PIP5K1B: variants seen among roughly 807,000 people sequenced by gnomAD.
The protein encoded by PIP5K1B is phosphatidylinositol 4-phosphate 5-kinase type-1 beta.
PIP5K1B carries 42 observed loss-of-function variants against 67.0 expected under a neutral mutation model. The ratio of observed to expected loss-of-function variants is 0.63; its 90% CI spans 0.49 to 0.81. PIP5K1B has a LOEUF of 0.81. Among genes scored for constraint, PIP5K1B ranks in the 30% least tolerant of loss-of-function variants. The pLI is 0.00. For synonymous variants in PIP5K1B, 214 were observed against 231.4 expected (o/e 0.92, Z 0.68); for missense variants, 459 against 646.3 (o/e 0.71, Z 3.14).
intron 8 of PIP5K1B, among the ~76,000 whole-genome samples, chr9:68,899,468 A>AG (rs1277790231): frequency 6.6e-6 from 1 of 151,956 alleles, no homozygotes; most frequent in Admixed American, 6.6e-5. Flanking sequence ...ATGATTTAAA[A>AG]AAAGAGAAAG....
chr9:68,893,871 T>C (rs1824945223), intron 7 of PIP5K1B, among the ~76,000 whole-genome samples: 1 of 152,244 alleles, frequency 6.6e-6, no homozygotes, highest in Non-Finnish European at 1.5e-5. Context: ...ATTTTAAAGT[T>C]TGGGTACTAT....
intron 2 of PIP5K1B, among the ~76,000 whole-genome samples, chr9:68,763,667 G>A (rs908087672): frequency 6.6e-6 from 1 of 152,116 alleles, no homozygotes; most frequent in Non-Finnish European, 1.5e-5. Context: ...TAGCAAGGCT[G>A]ATTAGACCCC....
intron 12 of PIP5K1B, among the ~76,000 whole-genome samples, chr9:68,929,138 C>G (rs2132575693): frequency 6.9e-6 from 1 of 144,902 alleles, no homozygotes; most frequent in African/African-American, 2.6e-5. Context: ...ACACTCCAGC[C>G]TGGGTGACAG....
chr9:68,886,273 C>G (rs1824467375), intron 6 of PIP5K1B, among the ~76,000 whole-genome samples: 2 of 152,164 alleles, frequency 1.3e-5, no homozygotes, highest in Admixed American at 1.3e-4. Context: ...GCCTCCTTAT[C>G]TTTTTCTCTG....
At chr9:68,841,159 C>A (rs1172497327) in intron 4 of PIP5K1B, among the ~76,000 whole-genome samples, 1 of 152,192 alleles carries the variant, frequency 6.6e-6, no homozygotes, top group East Asian at 1.9e-4. Context: ...AATCAACTTA[C>A]ATAAATAAGA....
chr9:68,986,048 A>G (rs959287991), intron 14 of PIP5K1B, among the ~76,000 whole-genome samples: 3 of 152,246 alleles, frequency 2.0e-5, no homozygotes, highest in East Asian at 1.9e-4. Context: ...ACTATGAATA[A>G]TGCTACTGCA....
chr9:68,758,173 C>T (rs894515264), intron 2 of PIP5K1B, among the ~76,000 whole-genome samples: 2 of 152,110 alleles, frequency 1.3e-5, no homozygotes, highest in South Asian at 4.1e-4. Context: ...AAACAAAACT[C>T]AGAATCTTGT....
At position 68,780,051 on chromosome 9, in the gene PIP5K1B, G is replaced by A; in HGVS notation, c.-86+37394G>A. The A allele has an allele frequency of 3.6e-6, 5 of 1,382,012 alleles. No homozygotes were observed. The South Asian group carries it at 8.4e-5, about 23-fold the overall frequency. 85.6% of individuals were successfully genotyped at this position (1,382,012 alleles called of 1,614,324 possible). ...CGAAGGGCTACGCATGCGCAGAGGGGCCAGCCCGCTGACAGATTCTCGGTG... is the reference window on the plus strand; with the variant it reads ...CGAAGGGCTACGCATGCGCAGAGGGACCAGCCCGCTGACAGATTCTCGGTG... On this transcript the variant is annotated intron_variant, in intron 2 of 15. Transcript: ENST00000265382.
At chr9:68,821,200 G>A (rs1226654407) in intron 3 of PIP5K1B, among the ~76,000 whole-genome samples, 1 of 152,174 alleles carries the variant, frequency 6.6e-6, no homozygotes, top group Non-Finnish European at 1.5e-5. Context: ...AGGCTGCAGT[G>A]AGCTGTGATG....
intron 14 of PIP5K1B, among the ~76,000 whole-genome samples, chr9:68,979,916 G>C (rs377642998): frequency 1.2e-4 from 18 of 152,284 alleles, no homozygotes; most frequent in East Asian, 3.9e-4. Context: ...AAGTGAGAAA[G>C]GCAGAAACAA....
chr9:69,002,143 C>T (rs146830365), intron 15 of PIP5K1B, among the ~76,000 whole-genome samples: 15 of 152,282 alleles, frequency 9.9e-5, no homozygotes, highest in African/African-American at 3.6e-4. Context: ...GCCAACACCC[C>T]AGAATTCAAC....
intron 4 of PIP5K1B, among the ~76,000 whole-genome samples, chr9:68,860,678 G>A (rs1479492055): frequency 6.6e-6 from 1 of 152,158 alleles, no homozygotes; most frequent in African/African-American, 2.4e-5. Context: ...TACTAGCAAA[G>A]GGACTTGGGC....
chr9:68,759,377 A>G (rs1295117592), intron 2 of PIP5K1B, among the ~76,000 whole-genome samples: 2 of 152,242 alleles, frequency 1.3e-5, no homozygotes, highest in Admixed American at 6.5e-5. Flanking sequence ...AGATACTCTT[A>G]AGTAGACTGT....
At chr9:68,832,203 CCT>C (rs1587522542) in intron 4 of PIP5K1B, among the ~76,000 whole-genome samples, 1 of 152,168 alleles carries the variant, frequency 6.6e-6, no homozygotes, top group African/African-American at 2.4e-5. Context: ...AAAAATTATC[CCT>C]GAGTGCAGAA....
intron 2 of PIP5K1B, among the ~76,000 whole-genome samples, chr9:68,800,762 A>G (rs1193118644): frequency 6.6e-6 from 1 of 152,156 alleles, no homozygotes; most frequent in Non-Finnish European, 1.5e-5. Flanking sequence ...GGGCATAGGC[A>G]TTTGCTAAAT....
At chr9:68,924,688 A>C (rs919939705) in intron 12 of PIP5K1B, among the ~76,000 whole-genome samples, 1 of 152,174 alleles carries the variant, frequency 6.6e-6, no homozygotes, top group African/African-American at 2.4e-5. Context: ...GTCCAATTTC[A>C]TAAACTAAAA....
At chr9:69,006,472 T>C (rs1831084708) in intron 15 of PIP5K1B, among the ~76,000 whole-genome samples, 1 of 152,214 alleles carries the variant, frequency 6.6e-6, no homozygotes, top group Non-Finnish European at 1.5e-5. Context: ...GATCACAGCA[T>C]CTGTGCCACT....
intron 8 of PIP5K1B, among the ~76,000 whole-genome samples, chr9:68,907,934 T>C (rs1164644843): frequency 6.6e-6 from 1 of 152,120 alleles, no homozygotes; most frequent in African/African-American, 2.4e-5. Flanking sequence ...GTCCATAGAG[T>C]AATATGAAAG....
intron 1 of PIP5K1B, among the ~76,000 whole-genome samples, chr9:68,718,952 T>C (rs963266586): frequency 7.9e-5 from 12 of 152,190 alleles, no homozygotes; most frequent in African/African-American, 2.9e-4. Context: ...CTGAAATGTG[T>C]TTGCCAGATA....
Sources: gnomAD v4.1 joint callset for allele counts (sites outside exome capture counted in the v4.1 genomes callset) on GRCh38, gnomAD v4.1.1 for gene constraint, MANE v1.5 for transcripts, NCBI Gene and HGNC (gene_info 2026-07-23, HGNC 2026-07-21) for gene names.